Variants in EPC2 observed in about 807,000 individuals in gnomAD.
EPC2 encodes the protein enhancer of polycomb homolog 2.
EPC2 carries 14 observed loss-of-function variants against 92.1 expected under a neutral mutation model. The ratio of observed to expected loss-of-function variants is 0.15; its 90% CI spans 0.10 to 0.24. EPC2 has a LOEUF of 0.24. EPC2 is among the 10% of genes least tolerant of loss of function. The pLI, the probability that EPC2 is intolerant of heterozygous loss-of-function variation, is 1.00. For synonymous variants in EPC2, 340 were observed against 334.7 expected (o/e 1.02, Z -0.17); for missense variants, 755 against 971.5 (o/e 0.78, Z 2.96).
chr2:148,777,026 AT>A (rs1331964987), intron 10 of EPC2, among the ~76,000 whole-genome samples: 1 of 151,884 alleles, frequency 6.6e-6, no homozygotes, highest in East Asian at 1.9e-4. Context: ...CACCCAGCTA[AT>A]TTTTTTATTT....
At chr2:148,744,622 C>G (rs1682944221) in intron 3 of EPC2, among the ~76,000 whole-genome samples, 1 of 152,022 alleles carries the variant, frequency 6.6e-6, no homozygotes. Context: ...AAAATGCTAA[C>G]AGTGGTTATA....
intron 7 of EPC2, among the ~76,000 whole-genome samples, chr2:148,765,802 C>T (rs956255732): frequency 6.6e-6 from 1 of 152,148 alleles, no homozygotes; most frequent in Non-Finnish European, 1.5e-5. Context: ...CTTTGGGAGG[C>T]CGAGGCAGGC....
intron 2 of EPC2, among the ~76,000 whole-genome samples, chr2:148,725,484 T>G (rs1682475582): frequency 6.6e-6 from 1 of 152,150 alleles, no homozygotes; most frequent in East Asian, 1.9e-4. Flanking sequence ...TATGGTTTTT[T>G]AAAACACAGA....
chr2:148,746,550 A>G (rs956018545), intron 3 of EPC2, among the ~76,000 whole-genome samples: 4 of 152,120 alleles, frequency 2.6e-5, no homozygotes, highest in Non-Finnish European at 5.9e-5. Context: ...AGTGTGACAG[A>G]CAACTAATTG....
chr2:148,751,297 G>C (rs1683079489), intron 3 of EPC2, among the ~76,000 whole-genome samples: 1 of 152,116 alleles, frequency 6.6e-6, no homozygotes. Context: ...TTGATTAACA[G>C]ACTAAGTGGT....
At chr2:148,772,056 C>T (rs892703149) in intron 10 of EPC2, among the ~76,000 whole-genome samples, 13 of 152,126 alleles carry the variant, frequency 8.5e-5, no homozygotes, top group African/African-American at 3.1e-4. Context: ...GCCTCAGCCT[C>T]CCAAAGTGCT....
At chr2:148,657,675 A>G (rs1348118857) in intron 1 of EPC2, among the ~76,000 whole-genome samples, 1 of 151,882 alleles carries the variant, frequency 6.6e-6, no homozygotes, top group Admixed American at 6.6e-5. Context: ...GTACACTTAA[A>G]AGCTTTATCC....
chr2:148,716,604 G>T (rs886889640), intron 2 of EPC2, among the ~76,000 whole-genome samples: 2 of 152,174 alleles, frequency 1.3e-5, no homozygotes, highest in Non-Finnish European at 1.5e-5. Flanking sequence ...CTGCTTGGTT[G>T]TGGTGGATAA....
intron 1 of EPC2, among the ~76,000 whole-genome samples, chr2:148,656,292 G>A (rs1680797508): frequency 6.6e-6 from 1 of 152,098 alleles, no homozygotes; most frequent in Non-Finnish European, 1.5e-5. Flanking sequence ...ATTCCTAAGT[G>A]GCAGTTTGGT....
At chr2:148,774,606 CAA>C (rs913773224) in intron 10 of EPC2, among the ~76,000 whole-genome samples, 3 of 104,254 alleles carry the variant, frequency 2.9e-5, no homozygotes, top group East Asian at 5.4e-4. Context: ...GACCCTGACT[CAA>C]AAAAAAAAAT....
At chr2:148,760,473 T>G (rs1443499693) in intron 4 of EPC2, among the ~76,000 whole-genome samples, 1 of 152,210 alleles carries the variant, frequency 6.6e-6, no homozygotes, top group African/African-American at 2.4e-5. Context: ...TACTAGATTC[T>G]AAGCCTTTTG....
chr2:148,664,037 A>G (rs529490823), intron 1 of EPC2, among the ~76,000 whole-genome samples: 1 of 152,238 alleles, frequency 6.6e-6, no homozygotes, highest in South Asian at 2.1e-4. Context: ...AAGATCCTAA[A>G]GGACTCTGAG....
At chr2:148,739,239 A>C (rs1263473258) in intron 2 of EPC2, among the ~76,000 whole-genome samples, 1 of 152,242 alleles carries the variant, frequency 6.6e-6, no homozygotes, top group Admixed American at 6.5e-5. Flanking sequence ...ATTATATAGC[A>C]ATCATATTCA....
At chr2:148,784,626 G>GA in intron 12 of EPC2, 42 bp from the exon 13 acceptor site, 1 of 1,331,834 alleles carries the variant, frequency 7.5e-7, no homozygotes. Flanking sequence ...TAGTTGTATT[G>GA]ATGTCTCATG....
chr2:148,685,529 G>A (rs1681498598), intron 1 of EPC2, among the ~76,000 whole-genome samples: 1 of 152,198 alleles, frequency 6.6e-6, no homozygotes, highest in Non-Finnish European at 1.5e-5. Context: ...GGGAGGCTGA[G>A]GTGGGCAGAT....
intron 5 of EPC2, 52 bp from the exon 6 acceptor site, chr2:148,762,618 C>A: frequency 7.4e-7 from 1 of 1,358,850 alleles, no homozygotes; most frequent in Non-Finnish European, 9.8e-7. Context: ...TATTTTCCTT[C>A]TTTATTGTCA....
chr2:148,765,048 A>G lies in EPC2; in HGVS notation c.1042A>G (p.Thr348Ala). The G allele has an allele frequency of 1.2e-6, 2 of 1,610,002 alleles. No homozygotes were observed. Among genetic ancestry groups the G allele is most frequent in the South Asian group, 2.2e-5 (2 of 90,476 alleles). Residue 348 changes from threonine to alanine, a missense_variant, in exon 7 of 14, where the codon ACA becomes GCA. Transcript: ENST00000258484. Reference protein sequence around the residue: ...PKKPKAEALITSQQPTPETLP... With the variant: ...PKKPKAEALIASQQPTPETLP... ...GAAGCCTAAAGCAGAGGCTTTGATA[A>G]CATCTCAGCAACCCACTCCTGAGAC... is the stretch of plus-strand genomic sequence containing the variant.
At chr2:148,670,909 C>T (rs549582474) in intron 1 of EPC2, among the ~76,000 whole-genome samples, 1 of 152,264 alleles carries the variant, frequency 6.6e-6, no homozygotes, top group South Asian at 2.1e-4. Context: ...TTGTCTTGAA[C>T]TCCTAGGCTA....
intron 2 of EPC2, among the ~76,000 whole-genome samples, chr2:148,741,465 A>G (rs1275018462): frequency 6.6e-6 from 1 of 152,154 alleles, no homozygotes; most frequent in Non-Finnish European, 1.5e-5. Flanking sequence ...GCCTTTAGAT[A>G]TTTTAACTTC....
Sources: allele counts gnomAD v4.1 joint callset (sites outside exome capture counted in the v4.1 genomes callset), GRCh38; gene constraint gnomAD v4.1.1; transcripts MANE v1.5; gene names NCBI Gene and HGNC (gene_info 2026-07-23, HGNC 2026-07-21).